Variants in UNC79 observed in about 807,000 individuals in gnomAD.
UNC79 encodes the protein unc-79 subunit of NALCN channel complex, also known as protein unc-79 homolog.
In UNC79, 37 loss-of-function variants were observed where a neutral mutation model predicts 283.1. The observed-to-expected ratio is 0.13, with a 90% confidence interval of 0.10 to 0.17. The LOEUF (loss-of-function observed/expected upper bound fraction) is 0.17. Among genes scored for constraint, UNC79 ranks in the 10% least tolerant of loss-of-function variants. The pLI is 1.00. For missense variants in UNC79, 2,272 were observed against 3,211.1 expected, an observed-to-expected ratio of 0.71 and a Z score of 7.07; for synonymous variants, 1,107 against 1,200.2, an observed-to-expected ratio of 0.92 and a Z score of 1.61.
intron 7 of UNC79, among the ~76,000 whole-genome samples, chr14:93,518,040 A>G (rs935606590): frequency 1.4e-4 from 21 of 151,998 alleles, no homozygotes; most frequent in African/African-American, 4.6e-4. Flanking sequence ...TCCTACATTT[A>G]TGAGAGATAT....
intron 31 of UNC79, among the ~76,000 whole-genome samples, chr14:93,635,365 A>G (rs543000229): frequency 2.6e-5 from 4 of 152,198 alleles, no homozygotes; most frequent in South Asian, 4.1e-4. Context: ...ACAAGATTCT[A>G]TATGTGAAAA....
intron 1 of UNC79, among the ~76,000 whole-genome samples, chr14:93,386,764 A>C (rs1403167420): frequency 6.6e-6 from 1 of 151,938 alleles, no homozygotes; most frequent in African/African-American, 2.4e-5. Flanking sequence ...TATTAGTTAC[A>C]GTGCCTCCTT....
chr14:93,434,310 A>C (rs553188879), intron 1 of UNC79, among the ~76,000 whole-genome samples: 21 of 152,324 alleles, frequency 1.4e-4, no homozygotes, highest in African/African-American at 4.6e-4. Context: ...TGCTATCTGC[A>C]GAGCCTCAAA....
rs117680082 is a variant in UNC79, at chr14:93,648,756, G to T, written c.6083+2110G>T. On this transcript the variant is annotated intron_variant, in intron 35 of 48. Coordinates refer to ENST00000555664, the Ensembl canonical transcript of UNC79. ...GAAAAAATGAGTTTAACCTGATTATGCACATAGTTATGGAAAGAGCATGGT... is the reference window on the plus strand; with the variant it reads ...GAAAAAATGAGTTTAACCTGATTATTCACATAGTTATGGAAAGAGCATGGT... Among the ~76,000 whole-genome samples the T allele has an allele frequency of 9.6e-3, 1,456 of 152,258 alleles. 6 individuals carry two copies. The highest frequency in any genetic ancestry group is 0.031 in the Middle Eastern group (9 of 294).
intron 1 of UNC79, among the ~76,000 whole-genome samples, chr14:93,359,524 C>T (rs753794064): frequency 2.0e-4 from 30 of 152,188 alleles, no homozygotes; most frequent in Non-Finnish European, 4.0e-4. Context: ...CAGCACTCAA[C>T]AATCAAAGGC....
At chr14:93,625,098 T>C (rs942638921) in intron 30 of UNC79, among the ~76,000 whole-genome samples, 2 of 152,190 alleles carry the variant, frequency 1.3e-5, no homozygotes, top group African/African-American at 4.8e-5. Context: ...TCATGGTCCT[T>C]CATGAGCAAA....
chr14:93,339,633 T>C (rs1194134791), intron 1 of UNC79, among the ~76,000 whole-genome samples: 1 of 152,246 alleles, frequency 6.6e-6, no homozygotes, highest in Non-Finnish European at 1.5e-5. Flanking sequence ...GTCTTTCTGT[T>C]ACTCGTGGTC....
At chr14:93,453,765 G>A (rs2056716850) in intron 1 of UNC79, among the ~76,000 whole-genome samples, 1 of 152,132 alleles carries the variant, frequency 6.6e-6, no homozygotes, top group Admixed American at 6.5e-5. Flanking sequence ...AAATAGAATA[G>A]ATTTTCATAT....
intron 7 of UNC79, among the ~76,000 whole-genome samples, chr14:93,507,733 C>T (rs1278474184): frequency 6.6e-6 from 1 of 152,018 alleles, no homozygotes; most frequent in Non-Finnish European, 1.5e-5. Context: ...TGAAATTTAT[C>T]ATTTTTGCTC....
chr14:93,417,160 C>T (rs1321714661), intron 1 of UNC79, among the ~76,000 whole-genome samples: 4 of 151,820 alleles, frequency 2.6e-5, no homozygotes, highest in African/African-American at 4.8e-5. Flanking sequence ...TGGCTGGTAC[C>T]GGTTGTTCCT....
At chr14:93,386,989 C>G (rs1463231992) in intron 1 of UNC79, among the ~76,000 whole-genome samples, 1 of 117,670 alleles carries the variant, frequency 8.5e-6, no homozygotes, top group Non-Finnish European at 1.6e-5. Flanking sequence ...CTTGCCCAGG[C>G]TGGAGTGCAA....
intron 23 of UNC79, among the ~76,000 whole-genome samples, chr14:93,595,669 C>T (rs1261802843): frequency 2.0e-5 from 3 of 152,148 alleles, no homozygotes; most frequent in Admixed American, 6.5e-5. Flanking sequence ...CTTCAAATGC[C>T]GCCATTGAGG....
At chr14:93,341,408 G>A (rs1451818278) in intron 1 of UNC79, among the ~76,000 whole-genome samples, 1 of 152,008 alleles carries the variant, frequency 6.6e-6, no homozygotes, top group Non-Finnish European at 1.5e-5. Flanking sequence ...AGTGAGCTGA[G>A]ATCGCACCAC....
At chr14:93,333,772 C>T (rs1388857884) in intron 1 of UNC79, among the ~76,000 whole-genome samples, 2 of 152,186 alleles carry the variant, frequency 1.3e-5, no homozygotes, top group African/African-American at 4.8e-5. Flanking sequence ...TTATGGGGCA[C>T]TGTCGTTTTC....
intron 46 of UNC79, 87 bp from the exon 50 acceptor site, chr14:93,694,248 G>A (rs1349668858): frequency 1.6e-6 from 2 of 1,237,676 alleles, no homozygotes; most frequent in Non-Finnish European, 2.3e-6. Context: ...CATGGGCACA[G>A]GACATCGGTC....
chr14:93,334,399 T>A (rs1465209580), intron 1 of UNC79: 1 of 152,230 alleles, frequency 6.6e-6, no homozygotes, highest in East Asian at 1.9e-4. Context: ...TGCCTGAAAT[T>A]CCCCTCTAGC....
chr14:93,562,649 GAA>G (rs1243749434), intron 14 of UNC79, among the ~76,000 whole-genome samples: 2 of 152,150 alleles, frequency 1.3e-5, no homozygotes, highest in Non-Finnish European at 2.9e-5. Flanking sequence ...AAGAGCCTGA[GAA>G]ACTGCTTGGG....
chr14:93,475,390 T>G (rs1187791951), intron 3 of UNC79, among the ~76,000 whole-genome samples: 2 of 152,204 alleles, frequency 1.3e-5, no homozygotes, highest in South Asian at 4.1e-4. Flanking sequence ...GATGGTTTAT[T>G]TAGTACAACG....
At chr14:93,571,007 G>A (rs942234148) in intron 14 of UNC79, among the ~76,000 whole-genome samples, 7 of 152,152 alleles carry the variant, frequency 4.6e-5, no homozygotes, top group Admixed American at 2.6e-4. Flanking sequence ...GTCATTTCTT[G>A]AAAATATTTA....
Sources: allele counts gnomAD v4.1 joint callset (sites outside exome capture counted in the v4.1 genomes callset), GRCh38; gene constraint gnomAD v4.1.1; transcripts MANE v1.5; gene names NCBI Gene and HGNC (gene_info 2026-07-23, HGNC 2026-07-21).